GALNTL6: variants seen among roughly 807,000 people sequenced by gnomAD.
GALNTL6 encodes polypeptide N-acetylgalactosaminyltransferase-like 6.
GALNTL6 carries 46 observed loss-of-function variants against 73.7 expected under a neutral mutation model. That is an observed-to-expected ratio of 0.62 (90% CI 0.49 to 0.80). The LOEUF (loss-of-function observed/expected upper bound fraction) is 0.80. GALNTL6 is among the 30% of genes least tolerant of loss of function. The pLI, the probability that GALNTL6 is intolerant of heterozygous loss-of-function variation, is 0.00. For missense variants in GALNTL6, 604 were observed against 755.0 expected (o/e 0.80, Z 2.34); for synonymous variants, 259 against 263.7 (o/e 0.98, Z 0.17).
At chr4:172,492,105 C>T (rs570303686) in intron 5 of GALNTL6, among the ~76,000 whole-genome samples, 1 of 152,254 alleles carries the variant, frequency 6.6e-6, no homozygotes, top group African/African-American at 2.4e-5. Flanking sequence ...CAGCTATCAC[C>T]TTACACAGCT....
rs142897621 is a variant in GALNTL6, at chr4:173,034,756, T to A, written c.1639-5177T>A. On this transcript the variant is annotated intron_variant, in intron 12 of 12. Coordinates refer to ENST00000506823, the MANE Select transcript of GALNTL6 (RefSeq NM_001034845.3). ...TCCAGGTCCTTCTGACCGCCTTGAT[T>A]TTTTTCATGTCACCTCTGAACAGGC... Among the ~76,000 whole-genome samples the A allele has an allele frequency of 4.5e-3, 686 of 152,278 alleles. 12 individuals carry two copies. The highest frequency in any genetic ancestry group is 0.018 in the East Asian group (94 of 5,178).
intron 5 of GALNTL6, among the ~76,000 whole-genome samples, chr4:172,772,079 G>C (rs1970809): frequency 1 from 152,194 of 152,248 alleles, 76,070 homozygotes; most frequent in Middle Eastern, 1. Flanking sequence ...GCAAAGAGAG[G>C]TTGTGCAGGG....
At chr4:172,949,589 G>GT (rs34914760) in intron 9 of GALNTL6, among the ~76,000 whole-genome samples, 5 of 150,740 alleles carry the variant, frequency 3.3e-5, no homozygotes, top group East Asian at 1.9e-4. Context: ...TTATCAACTA[G>GT]TTTTTTTTTA....
chr4:172,472,316 C>A lies in GALNTL6; in HGVS notation c.553+123627C>A, dbSNP rs1403716075. On this transcript the variant is annotated intron_variant, in intron 5 of 12. Transcript: ENST00000506823. ...AAGAAGTTCAATAATTGTTCTGTAT[C>A]CACACTGAAAGCAATGGAGATATTT... 2.0e-5 allele frequency among the ~76,000 whole-genome samples: 3 copies of A among 152,130 alleles called. No individual in the cohort carries two copies. In the East Asian group the frequency reaches 5.8e-4, roughly 29 times the overall value.
At chr4:172,450,204 C>T (rs930027273) in intron 5 of GALNTL6, among the ~76,000 whole-genome samples, 6 of 131,956 alleles carry the variant, frequency 4.5e-5, no homozygotes, top group African/African-American at 8.6e-5. Context: ...GCAACAAGAG[C>T]GAAACTCCAT....
At chr4:172,889,333 C>A (rs1430947449) in intron 8 of GALNTL6, among the ~76,000 whole-genome samples, 2 of 152,108 alleles carry the variant, frequency 1.3e-5, no homozygotes, top group Non-Finnish European at 2.9e-5. Flanking sequence ...TTGTTTTGTT[C>A]CAGTTCTTAA....
Position 171,906,544 on chromosome 4 carries a change from C to T in GALNTL6, c.138+91826C>T, listed in dbSNP as rs183642810. Among the ~76,000 whole-genome samples the T allele has an allele frequency of 2.7e-3, 417 of 152,150 alleles. 1 individual carries two copies. The highest frequency in any genetic ancestry group is 7.4e-3 in the African/African-American group (308 of 41,440). On this transcript the variant is annotated intron_variant, in intron 2 of 12. Transcript: ENST00000506823. ...AAGAGTCCAGGTCCAGATGGATTCA[C>T]AGCCAAATTCTACCAGAGGTACAAG...
At chr4:172,793,565 A>G (rs971504403) in intron 5 of GALNTL6, among the ~76,000 whole-genome samples, 39 of 152,200 alleles carry the variant, frequency 2.6e-4, no homozygotes, top group Non-Finnish European at 5.6e-4. Flanking sequence ...GAAAATATAT[A>G]TCTTTGCTGC....
chr4:172,632,408 G>T (rs2111098878), intron 5 of GALNTL6, among the ~76,000 whole-genome samples: 1 of 152,234 alleles, frequency 6.6e-6, no homozygotes, highest in African/African-American at 2.4e-5. Flanking sequence ...AGGCGGTCTA[G>T]GATGGAGATG....
intron 2 of GALNTL6, among the ~76,000 whole-genome samples, chr4:171,890,712 C>G (rs868590200): frequency 3.3e-5 from 5 of 152,124 alleles, no homozygotes; most frequent in African/African-American, 1.2e-4. Context: ...TATTATCACC[C>G]TTGTATGTAA....
intron 7 of GALNTL6, among the ~76,000 whole-genome samples, chr4:172,874,838 T>C (rs1561006902): frequency 2.6e-5 from 4 of 152,154 alleles, no homozygotes; most frequent in Admixed American, 6.5e-5. Flanking sequence ...GACAAAAGAC[T>C]TTGTGAAGCT....
At chr4:172,596,576 G>A (rs531180192) in intron 5 of GALNTL6, among the ~76,000 whole-genome samples, 6 of 152,232 alleles carry the variant, frequency 3.9e-5, no homozygotes, top group East Asian at 3.9e-4. Context: ...GAGCCTGCAT[G>A]AATAATCATT....
intron 2 of GALNTL6, among the ~76,000 whole-genome samples, chr4:171,933,951 T>C (rs1738264399): frequency 6.6e-6 from 1 of 152,056 alleles, no homozygotes; most frequent in Non-Finnish European, 1.5e-5. Flanking sequence ...CTTTTCAATG[T>C]AGGGGTTTTC....
At chr4:172,599,485 A>G (rs1737977654) in intron 5 of GALNTL6, among the ~76,000 whole-genome samples, 1 of 152,182 alleles carries the variant, frequency 6.6e-6, no homozygotes, top group African/African-American at 2.4e-5. Context: ...GCCAGTTGTT[A>G]TTAACAAACA....
At chr4:172,130,205 C>A (rs1733450376) in intron 2 of GALNTL6, among the ~76,000 whole-genome samples, 1 of 118,760 alleles carries the variant, frequency 8.4e-6, no homozygotes, top group African/African-American at 3.2e-5. Flanking sequence ...TTTTTTTTAG[C>A]ATAAGATTGT....
At chr4:172,701,579 G>A (rs902315506) in intron 5 of GALNTL6, among the ~76,000 whole-genome samples, 6 of 152,028 alleles carry the variant, frequency 3.9e-5, no homozygotes, top group African/African-American at 1.4e-4. Context: ...GGCTTTAGTC[G>A]CAGTGTTACA....
chr4:172,562,713 A>T (rs751915583), intron 5 of GALNTL6, among the ~76,000 whole-genome samples: 1 of 152,228 alleles, frequency 6.6e-6, no homozygotes, highest in Non-Finnish European at 1.5e-5. Context: ...GTAATCACGG[A>T]TCATTCACTG....
At chr4:172,415,614 G>A (rs1479422686) in intron 5 of GALNTL6, among the ~76,000 whole-genome samples, 1 of 152,100 alleles carries the variant, frequency 6.6e-6, no homozygotes, top group East Asian at 1.9e-4. Flanking sequence ...CTGCAGACAA[G>A]AACCCCTCAG....
intron 5 of GALNTL6, among the ~76,000 whole-genome samples, chr4:172,459,842 C>T (rs1181704544): frequency 6.6e-6 from 1 of 152,098 alleles, no homozygotes; most frequent in Non-Finnish European, 1.5e-5. Context: ...TGACTTTCTT[C>T]ACAGAATTAG....
Sources: gnomAD v4.1 joint callset for allele counts (sites outside exome capture counted in the v4.1 genomes callset) on GRCh38, gnomAD v4.1.1 for gene constraint, MANE v1.5 for transcripts, NCBI Gene and HGNC (gene_info 2026-07-23, HGNC 2026-07-21) for gene names.